The following NALF1 variants were observed in gnomAD, a reference collection of about 807,000 sequenced individuals.
NALF1 encodes NALCN channel auxiliary factor 1.
Under a neutral mutation model 48.4 loss-of-function variants are expected in NALF1, and 3 were observed. That is an observed-to-expected ratio of 0.06 (90% CI 0.03 to 0.16). The LOEUF (loss-of-function observed/expected upper bound fraction) is 0.16. Among genes scored for constraint, NALF1 ranks in the 10% least tolerant of loss-of-function variants. The pLI is 1.00. For missense variants in NALF1, 526 were observed against 571.5 expected, an observed-to-expected ratio of 0.92 and a Z score of 0.81; for synonymous variants, 262 against 245.7, an observed-to-expected ratio of 1.07 and a Z score of -0.62.
intron 1 of NALF1, among the ~76,000 whole-genome samples, chr13:107,371,139 T>G (rs2138964706): frequency 6.6e-6 from 1 of 152,284 alleles, no homozygotes; most frequent in South Asian, 2.1e-4. Flanking sequence ...TAGGAGAAAG[T>G]TCTGAAATAA....
intron 1 of NALF1, among the ~76,000 whole-genome samples, chr13:107,554,139 C>T (rs1877382938): frequency 6.6e-6 from 1 of 152,164 alleles, no homozygotes; most frequent in Non-Finnish European, 1.5e-5. Flanking sequence ...CGTAGGGTTC[C>T]TGATGTATGG....
chr13:107,179,747 G>A (rs1164661893), intron 2 of NALF1, among the ~76,000 whole-genome samples: 3 of 151,428 alleles, frequency 2.0e-5, no homozygotes, highest in South Asian at 2.1e-4. Flanking sequence ...GTGTGGGCAG[G>A]GCTATGCTCC....
Position 107,819,466 on chromosome 13 carries a change from G to GC in NALF1, c.915+46215dup, listed in dbSNP as rs1879289355. Among the ~76,000 whole-genome samples, 11 of 151,750 alleles carry GC rather than the reference G, an allele frequency of 7.2e-5. No homozygotes were observed. The South Asian group carries it at 2.3e-3, about 32-fold the overall frequency. ...TTTGCTCATACTTCTTAGGTGGGAC[G>GC]CCCCATGCTCTACACACCTGAAAGC... is the stretch of plus-strand genomic sequence containing the variant. On this transcript the variant is annotated intron_variant, in intron 1 of 2. Transcript: ENST00000375915.
chr13:107,358,166 A>ATGTGTG (rs1491390261), intron 1 of NALF1, among the ~76,000 whole-genome samples: 2,945 of 121,692 alleles, frequency 0.024, 29 homozygotes, highest in African/African-American at 0.045. Context: ...TATACGTAAC[A>ATGTGTG]TATGTGTGTG....
chr13:107,667,999 AAT>A (rs1555316601), intron 1 of NALF1, among the ~76,000 whole-genome samples: 2 of 152,114 alleles, frequency 1.3e-5, no homozygotes, highest in Admixed American at 6.6e-5. Context: ...ACAATGGAAA[AAT>A]ATGTGTCCAT....
intron 1 of NALF1, among the ~76,000 whole-genome samples, chr13:107,256,987 G>A (rs1351112510): frequency 6.6e-6 from 1 of 152,168 alleles, no homozygotes; most frequent in Admixed American, 6.5e-5. Flanking sequence ...AAGAAAAGAG[G>A]TTTAATTGAC....
At chr13:107,453,455 TC>T (rs1370195953) in intron 1 of NALF1, among the ~76,000 whole-genome samples, 1 of 152,194 alleles carries the variant, frequency 6.6e-6, no homozygotes, top group Non-Finnish European at 1.5e-5. Flanking sequence ...TGTATCTTGG[TC>T]CCTTTTAGCC....
intron 1 of NALF1, among the ~76,000 whole-genome samples, chr13:107,516,140 G>A (rs1372356536): frequency 6.6e-6 from 1 of 152,206 alleles, no homozygotes. Flanking sequence ...ATGAACTGCA[G>A]GGTTTTAAGG....
chr13:107,367,970 T>A (rs1883180734), intron 1 of NALF1, among the ~76,000 whole-genome samples: 1 of 152,326 alleles, frequency 6.6e-6, no homozygotes, highest in South Asian at 2.1e-4. Context: ...TGGTTCTTTA[T>A]GATAATAAAA....
intron 1 of NALF1, among the ~76,000 whole-genome samples, chr13:107,238,043 T>C (rs945832104): frequency 5.9e-5 from 9 of 152,220 alleles, no homozygotes; most frequent in Admixed American, 6.5e-5. Flanking sequence ...TGAAGAAATT[T>C]GTTATCTCGA....
chr13:107,511,386 G>A (rs992037754), intron 1 of NALF1, among the ~76,000 whole-genome samples: 4 of 152,130 alleles, frequency 2.6e-5, no homozygotes, highest in East Asian at 1.9e-4. Flanking sequence ...AATTACAGAC[G>A]TTTGGTGGAA....
intron 1 of NALF1, among the ~76,000 whole-genome samples, chr13:107,414,095 A>G (rs1884041784): frequency 6.6e-6 from 1 of 152,188 alleles, no homozygotes; most frequent in Admixed American, 6.6e-5. Context: ...CACCAGGCCA[A>G]TATTTTATTT....
intron 1 of NALF1, among the ~76,000 whole-genome samples, chr13:107,354,968 C>T (rs949555663): frequency 6.6e-6 from 1 of 152,190 alleles, no homozygotes; most frequent in African/African-American, 2.4e-5. Flanking sequence ...CCTAGGACGT[C>T]ACTCAAGGTT....
intron 1 of NALF1, among the ~76,000 whole-genome samples, chr13:107,775,233 G>A (rs1004967417): frequency 1.6e-4 from 20 of 124,976 alleles, no homozygotes; most frequent in African/African-American, 6.3e-4. Context: ...AGTCCCCAGA[G>A]TGTGATGTTC....
intron 1 of NALF1, among the ~76,000 whole-genome samples, chr13:107,379,589 AC>A (rs983864653): frequency 1.3e-5 from 2 of 151,910 alleles, no homozygotes; most frequent in African/African-American, 2.4e-5. Flanking sequence ...GGAAACCCAC[AC>A]CCTTCTCAGG....
At chr13:107,691,832 A>T (rs2138504636) in intron 1 of NALF1, among the ~76,000 whole-genome samples, 1 of 152,354 alleles carries the variant, frequency 6.6e-6, no homozygotes, top group African/African-American at 2.4e-5. Flanking sequence ...AATGCAAGGT[A>T]GGTTTAAACA....
intron 1 of NALF1, among the ~76,000 whole-genome samples, chr13:107,239,787 C>T (rs1880429609): frequency 6.6e-6 from 1 of 152,050 alleles, no homozygotes; most frequent in Non-Finnish European, 1.5e-5. Flanking sequence ...AGAAACACCA[C>T]CAACACACCC....
chr13:107,809,792 G>C (rs1383346003), intron 1 of NALF1, among the ~76,000 whole-genome samples: 1 of 152,084 alleles, frequency 6.6e-6, no homozygotes, highest in African/African-American at 2.4e-5. Flanking sequence ...TAAGAAAACA[G>C]AATCCATACT....
At chr13:107,612,991 T>TC (rs770380015) in intron 1 of NALF1, among the ~76,000 whole-genome samples, 10 of 147,396 alleles carry the variant, frequency 6.8e-5, no homozygotes, top group Admixed American at 2.0e-4. Flanking sequence ...TGGGTTTTTT[T>TC]CCCACAATGA....
Sources: allele counts gnomAD v4.1 joint callset (sites outside exome capture counted in the v4.1 genomes callset), GRCh38; gene constraint gnomAD v4.1.1; transcripts MANE v1.5; gene names NCBI Gene and HGNC (gene_info 2026-07-23, HGNC 2026-07-21).